The following KDM2A variants were observed in gnomAD, a reference collection of about 807,000 sequenced individuals.
The protein encoded by KDM2A is lysine-specific demethylase 2A.
A neutral mutation model predicts 137.3 loss-of-function variants in KDM2A; 3 were observed. That is an observed-to-expected ratio of 0.02 (90% confidence interval 0.01 to 0.06). The LOEUF (loss-of-function observed/expected upper bound fraction) is 0.06. Among genes scored for constraint, KDM2A ranks in the 10% least tolerant of loss-of-function variants. The pLI is 1.00. For missense variants in KDM2A, 738 were observed against 1,510.6 expected (o/e 0.49, Z 8.48); for synonymous variants, 512 against 541.5 (o/e 0.95, Z 0.76).
chr11:67,215,615 C>T (rs1239505255), intron 7 of KDM2A, 169 bp downstream of exon 7: 1 of 619,716 alleles, frequency 1.6e-6, no homozygotes, highest in African/African-American at 1.9e-5. Flanking sequence ...TGTGAGCATA[C>T]CATAGCACAC....
intron 5 of KDM2A, among the ~76,000 whole-genome samples, chr11:67,202,578 C>A (rs951537699): frequency 3.9e-5 from 6 of 151,936 alleles, no homozygotes; most frequent in Non-Finnish European, 7.4e-5. Flanking sequence ...TGAGACCATC[C>A]TGGCTAACAT....
At chr11:67,232,165 T>C (rs1233838633) in intron 12 of KDM2A, among the ~76,000 whole-genome samples, 4 of 152,238 alleles carry the variant, frequency 2.6e-5, no homozygotes, top group Non-Finnish European at 4.4e-5. Flanking sequence ...CTAACATTTA[T>C]GTGTTCATTG....
In KDM2A at chr11:67,180,159, A is replaced by G; in HGVS notation, c.123A>G (p.Glu41=). 2 of 1,613,968 alleles carry G rather than the reference A, an allele frequency of 1.2e-6. No individual in the cohort carries two copies. Among genetic ancestry groups the G allele is most frequent in the South Asian group, 1.1e-5 (1 of 91,082 alleles). ...EIEGKRTFDL[E]EKLHTNKYNA... is the part of the protein sequence containing the mutation. ...AAGGAAAAAGAACTTTTGACTTGGA[A>G]GAGAAACTGCACACCAACAAATATA... Residue 41 remains glutamate (E), a synonymous_variant, in exon 3 of 21, where the codon GAA becomes GAG. Coordinates refer to ENST00000529006, the MANE Select transcript of KDM2A (RefSeq NM_012308.3).
At position 67,150,282 on chromosome 11, in the gene KDM2A, A is replaced by G. The variant is rs893949740; in HGVS notation, c.42+28924A>G. On this transcript the variant is annotated intron_variant, in intron 2 of 20. Transcript: ENST00000529006. ...ACCTCAAATTTTACAACTAAGGGCC[A>G]CAGGTATTATTTGTTAGTCTGACAA... 7.2e-5 allele frequency among the ~76,000 whole-genome samples: 11 copies of G among 152,362 alleles called. No homozygotes were observed. In the East Asian group the frequency reaches 1.5e-3, roughly 21 times the overall value.
In KDM2A at chr11:67,205,052, G is replaced by C. The variant is rs907593749; in HGVS notation, c.308-2458G>C. Among the ~76,000 whole-genome samples, 8 of 152,262 alleles carry C rather than the reference G, an allele frequency of 5.3e-5. 1 individual carries two copies. Among genetic ancestry groups the C allele is most frequent in the Admixed American group, 5.2e-4 (8 of 15,290 alleles). ...AATTGCTGAGTCACATGGTCATTCTGTGTTTAGTTTATTGAGGAACTGCAA... is the reference window on the plus strand; with the variant it reads ...AATTGCTGAGTCACATGGTCATTCTCTGTTTAGTTTATTGAGGAACTGCAA... On this transcript the variant is annotated intron_variant, in intron 5 of 20. Coordinates refer to ENST00000529006, the MANE Select transcript of KDM2A (RefSeq NM_012308.3).
At chr11:67,231,996 C>A in intron 12 of KDM2A, 36 bp downstream of exon 12, 2 of 1,541,066 alleles carry the variant, frequency 1.3e-6, no homozygotes, top group South Asian at 1.2e-5. Context: ...AGCTACTGAT[C>A]CAGCTATGGC....
intron 2 of KDM2A, among the ~76,000 whole-genome samples, chr11:67,122,741 T>G (rs916412038): frequency 6.6e-6 from 1 of 151,794 alleles, no homozygotes; most frequent in Non-Finnish European, 1.5e-5. Context: ...AGTGGCGCAA[T>G]CTCTGCTCAC....
chr11:67,168,352 G>T (rs1448408424), intron 2 of KDM2A, among the ~76,000 whole-genome samples: 1 of 151,816 alleles, frequency 6.6e-6, no homozygotes, highest in Non-Finnish European at 1.5e-5. Context: ...TCTTCCTACT[G>T]GGCTTCAATA....
chr11:67,146,949 G>T (rs1856262562), intron 2 of KDM2A, among the ~76,000 whole-genome samples: 1 of 152,100 alleles, frequency 6.6e-6, no homozygotes, highest in Non-Finnish European at 1.5e-5. Flanking sequence ...TCTCATTTGA[G>T]ATCATGTTAA....
intron 12 of KDM2A, among the ~76,000 whole-genome samples, chr11:67,240,708 C>T (rs887189151): frequency 1.3e-5 from 2 of 152,200 alleles, no homozygotes; most frequent in Non-Finnish European, 2.9e-5. Context: ...CACTCCACCC[C>T]CGCTCTCCTA....
chr11:67,223,650 T>C (rs1337174155), intron 10 of KDM2A, among the ~76,000 whole-genome samples: 4 of 152,138 alleles, frequency 2.6e-5, no homozygotes, highest in Admixed American at 1.3e-4. Flanking sequence ...GCTCAAGCAG[T>C]CCTCCAGCCT....
chr11:67,172,616 TTGTGTGTGTGTGTG>T (rs35333315), intron 2 of KDM2A, among the ~76,000 whole-genome samples: 16 of 146,528 alleles, frequency 1.1e-4, no homozygotes, highest in South Asian at 4.4e-4. Flanking sequence ...GCTCTTATAG[TTGTGTGTGTGTGTG>T]TGTGTGTGTG....
chr11:67,172,022 ACT>A (rs1480643291), intron 2 of KDM2A, among the ~76,000 whole-genome samples: 2 of 152,028 alleles, frequency 1.3e-5, no homozygotes, highest in African/African-American at 4.8e-5. Context: ...GCAGGATCTC[ACT>A]CTGTTATTCA....
intron 10 of KDM2A, among the ~76,000 whole-genome samples, chr11:67,227,639 A>G (rs1012058170): frequency 1.3e-5 from 2 of 152,052 alleles, no homozygotes; most frequent in Non-Finnish European, 2.9e-5. Flanking sequence ...GCGTGATCTC[A>G]GTTCACTGCA....
chr11:67,217,109 G>A (rs1858188026), intron 8 of KDM2A, among the ~76,000 whole-genome samples: 1 of 151,680 alleles, frequency 6.6e-6, no homozygotes, highest in Non-Finnish European at 1.5e-5. Flanking sequence ...GGGTGTGGTG[G>A]CGCACGCCTG....
At chr11:67,168,565 C>G (rs1365987227) in intron 2 of KDM2A, among the ~76,000 whole-genome samples, 2 of 33,736 alleles carry the variant, frequency 5.9e-5, no homozygotes, top group Non-Finnish European at 1.1e-4. Context: ...CACACACACA[C>G]AGTCTTGTAT....
intron 12 of KDM2A, 128 bp downstream of exon 12, chr11:67,232,088 G>T: frequency 1.2e-6 from 1 of 854,554 alleles, no homozygotes; most frequent in Non-Finnish European, 1.8e-6. Context: ...TAATATGCAT[G>T]TGTGTTTGTT....
At chr11:67,222,884 A>G (rs1040821734) in intron 10 of KDM2A, among the ~76,000 whole-genome samples, 6 of 150,510 alleles carry the variant, frequency 4.0e-5, no homozygotes, top group Non-Finnish European at 8.9e-5. Flanking sequence ...ACGTAAAGAG[A>G]AGAAAAATAA....
Position 67,231,701 on chromosome 11 carries a change from T to G in KDM2A, c.1220T>G (p.Leu407Arg), listed in dbSNP as rs1011558681. The G allele has an allele frequency of 7.4e-6, 12 of 1,613,978 alleles. No homozygotes were observed. Among genetic ancestry groups the G allele is most frequent in the Non-Finnish European group, 1.0e-5 (12 of 1,179,882 alleles). The change falls in exon 12 of 21, where the codon CTG becomes CGG. Residue 407 changes from leucine to arginine, a missense_variant. This residue lies in a region of KDM2A where 113 missense variants were observed against 133.5 expected (regional missense o/e 0.85). Coordinates refer to ENST00000529006, the MANE Select transcript of KDM2A (RefSeq NM_012308.3). ...GGAGTCAACCTGGATTATGATGGAC[T>G]GGGCAAAACCTGCCGAAGTCTTCCA... Reference protein sequence around the residue: ...ANGVNLDYDGLGKTCRSLPSL... With the variant: ...ANGVNLDYDGRGKTCRSLPSL...
Sources: allele counts gnomAD v4.1 joint callset (sites outside exome capture counted in the v4.1 genomes callset), GRCh38; gene constraint gnomAD v4.1.1; regional missense constraint gnomAD v4.1.1; transcripts MANE v1.5; gene names NCBI Gene and HGNC (gene_info 2026-07-23, HGNC 2026-07-21).